The following PTPRN2 variants were observed in gnomAD, a reference collection of about 807,000 sequenced individuals.
PTPRN2 encodes the protein receptor-type tyrosine-protein phosphatase N2.
In PTPRN2, 74 loss-of-function variants were observed where a neutral mutation model predicts 118.8. That is an observed-to-expected ratio of 0.62 (90% CI 0.52 to 0.76). The LOEUF (loss-of-function observed/expected upper bound fraction) is 0.76, where lower values mean the gene tolerates loss of function less well. Ranked by LOEUF, PTPRN2 falls within the 30% of genes least tolerant of loss-of-function variation. The pLI is 0.00. For synonymous variants in PTPRN2, 641 were observed against 608.0 expected, an observed-to-expected ratio of 1.05 and a Z score of -0.80; for missense variants, 1,481 against 1,394.4, an observed-to-expected ratio of 1.06 and a Z score of -0.99.
intron 2 of PTPRN2, among the ~76,000 whole-genome samples, chr7:158,407,691 GTCCTGCGTCCTGCA>G (rs1409563435): frequency 2.8e-5 from 4 of 143,720 alleles, no homozygotes; most frequent in African/African-American, 1.0e-4. Flanking sequence ...TGGGTCCTGG[GTCCTGCGTCCTGCA>G]TCCTGCGTCC....
chr7:157,757,109 T>A (rs538763931), intron 12 of PTPRN2, among the ~76,000 whole-genome samples: 1 of 152,204 alleles, frequency 6.6e-6, no homozygotes, highest in South Asian at 2.1e-4. Context: ...AGTTTTTTTT[T>A]AAAACCTCCC....
At chr7:158,385,387 G>GTTCAC (rs1811258123) in intron 2 of PTPRN2, among the ~76,000 whole-genome samples, 1 of 152,208 alleles carries the variant, frequency 6.6e-6, no homozygotes. Flanking sequence ...GAAACATTAA[G>GTTCAC]GGTGAAAGTG....
intron 11 of PTPRN2, among the ~76,000 whole-genome samples, chr7:157,901,376 G>C (rs1018087209): frequency 6.6e-6 from 1 of 151,980 alleles, no homozygotes; most frequent in Non-Finnish European, 1.5e-5. Context: ...TTCAACATGA[G>C]GCATGGCGGG....
intron 12 of PTPRN2, among the ~76,000 whole-genome samples, chr7:157,757,284 C>A (rs1444060514): frequency 2.0e-5 from 3 of 152,116 alleles, no homozygotes. Flanking sequence ...GAACCCACAG[C>A]AGAAGTGGCC....
intron 11 of PTPRN2, among the ~76,000 whole-genome samples, chr7:158,037,048 A>G (rs1808130556): frequency 6.6e-6 from 1 of 152,252 alleles, no homozygotes; most frequent in Admixed American, 6.5e-5. Flanking sequence ...ACAGGTCACA[A>G]GGTCAAAATA....
At chr7:157,887,758 T>C (rs11769297) in intron 12 of PTPRN2, among the ~76,000 whole-genome samples, 6,457 of 7,884 alleles carry the variant, frequency 0.82, 2,736 homozygotes, top group Middle Eastern at 1. Context: ...CCCCAGTGCC[T>C]GCTCCCCCAG....
At chr7:158,575,787 C>A (rs1366937818) in intron 1 of PTPRN2, among the ~76,000 whole-genome samples, 1 of 152,142 alleles carries the variant, frequency 6.6e-6, no homozygotes, top group Non-Finnish European at 1.5e-5. Context: ...GGCACTAAAT[C>A]AACACATCTC....
rs1038939787 is a variant in PTPRN2 at position 157,571,357 on chromosome 7, G to C, written c.2837+83C>G. The stretch of plus-strand genomic sequence containing the variant: ...GTTAGTTATATTTATTAAGCAATTA[G>C]AAAGTTAAGCTTCTGTATTTAATTG... On this transcript the variant is annotated intron_variant, in intron 20 of 22. Coordinates refer to ENST00000389418, the MANE Select transcript of PTPRN2 (RefSeq NM_002847.5). The C allele has an allele frequency of 7.3e-6, 8 of 1,090,760 alleles. No individual in the cohort carries two copies. In the African/African-American group the frequency reaches 1.3e-4, roughly 17 times the overall value. The allele number at this position is 1,090,760 out of a possible 1,614,324, so 67.6% of individuals were successfully genotyped here. A position where few individuals can be genotyped will look rare whatever the true frequency, so the allele number is the denominator to read the frequency against.
At chr7:157,817,146 C>T (rs547956018) in intron 12 of PTPRN2, among the ~76,000 whole-genome samples, 18 of 152,362 alleles carry the variant, frequency 1.2e-4, no homozygotes, top group South Asian at 4.1e-4. Flanking sequence ...AGGCTGCTTA[C>T]GCGTCACACC....
intron 12 of PTPRN2, among the ~76,000 whole-genome samples, chr7:157,688,875 CA>C (rs1198718576): frequency 6.6e-6 from 1 of 152,242 alleles, no homozygotes; most frequent in Non-Finnish European, 1.5e-5. Context: ...ACCGCATCCC[CA>C]CAGGAGTCAT....
At chr7:158,189,651 A>G (rs1825605565) in intron 5 of PTPRN2, among the ~76,000 whole-genome samples, 1 of 152,198 alleles carries the variant, frequency 6.6e-6, no homozygotes, top group African/African-American at 2.4e-5. Flanking sequence ...TGAAACTTTT[A>G]ATGACGCCTC....
At chr7:158,219,277 C>A (rs1828173032) in intron 3 of PTPRN2, among the ~76,000 whole-genome samples, 1 of 152,008 alleles carries the variant, frequency 6.6e-6, no homozygotes, top group Non-Finnish European at 1.5e-5. Context: ...TCAAAACTAT[C>A]CAGTTACATC....
rs1272502158 is a variant in PTPRN2 at position 157,671,258 on chromosome 7, C to T, written c.2001+11467G>A. Among the ~76,000 whole-genome samples, 1 of 152,204 alleles carries T rather than the reference C, an allele frequency of 6.6e-6. No individual in the cohort carries two copies. The highest frequency in any genetic ancestry group is 1.5e-5 in the Non-Finnish European group (1 of 68,036). The stretch of plus-strand genomic sequence containing the variant: ...CTTTGGGAAGCCAAGGCTGTCCCCA[C>T]ACGGGCTGGTCTGGTGTGGGCAACA... On this transcript the variant is annotated intron_variant, in intron 13 of 22. Transcript: ENST00000389418. The surrounding 1 kb of genome is among the most constrained non-coding windows in gnomAD (Gnocchi z 4.1).
chr7:157,897,064 C>T (rs977110270), intron 12 of PTPRN2, among the ~76,000 whole-genome samples: 22 of 152,248 alleles, frequency 1.4e-4, no homozygotes, highest in South Asian at 4.1e-4. Flanking sequence ...CCAGCCTCGA[C>T]GCGTTCTCTG....
At chr7:158,056,675 C>G (rs1330372346) in intron 11 of PTPRN2, among the ~76,000 whole-genome samples, 1 of 152,184 alleles carries the variant, frequency 6.6e-6, no homozygotes, top group Admixed American at 6.5e-5. Flanking sequence ...CTCCAGCGTC[C>G]AGTGAGGCCT....
intron 1 of PTPRN2, among the ~76,000 whole-genome samples, chr7:158,545,436 A>T (rs774994370): frequency 6.6e-6 from 1 of 152,150 alleles, no homozygotes; most frequent in Non-Finnish European, 1.5e-5. Context: ...CTCAAGTAGA[A>T]CTGTCCCTAC....
chr7:158,095,766 C>T (rs978447688), intron 10 of PTPRN2, among the ~76,000 whole-genome samples: 1 of 152,176 alleles, frequency 6.6e-6, no homozygotes, highest in Non-Finnish European at 1.5e-5. Flanking sequence ...TTTGCAGAGA[C>T]GAGGTCTTGC....
chr7:158,313,016 G>A (rs1037023227), intron 3 of PTPRN2, among the ~76,000 whole-genome samples: 19 of 151,822 alleles, frequency 1.3e-4, no homozygotes, highest in Admixed American at 2.6e-4. Context: ...AGGTGTGTGC[G>A]TGTGTGGGTA....
intron 12 of PTPRN2, among the ~76,000 whole-genome samples, chr7:157,832,761 G>C (rs780443855): frequency 6.6e-6 from 1 of 152,194 alleles, no homozygotes; most frequent in Non-Finnish European, 1.5e-5. Context: ...TTACTGGAAG[G>C]CTTGGCCCAA....
Sources: allele counts gnomAD v4.1 joint callset (sites outside exome capture counted in the v4.1 genomes callset), GRCh38; gene constraint gnomAD v4.1.1; non-coding constraint Gnocchi (gnomAD v3.1); transcripts MANE v1.5; gene names NCBI Gene and HGNC (gene_info 2026-07-23, HGNC 2026-07-21).